The following TNIP3 variants were observed in gnomAD, a reference collection of about 807,000 sequenced individuals.
The protein encoded by TNIP3 is TNFAIP3-interacting protein 3.
Under a neutral mutation model 54.1 loss-of-function variants are expected in TNIP3, and 34 were observed. The observed-to-expected ratio is 0.63, with a 90% CI of 0.48 to 0.84. The LOEUF is 0.84. TNIP3 is among the 40% of genes least tolerant of loss of function. The pLI is 0.00. For missense variants in TNIP3, 366 were observed against 387.6 expected (o/e 0.94, Z 0.47); for synonymous variants, 134 against 136.8 (o/e 0.98, Z 0.14).
At position 121,138,606 on chromosome 4, in the gene TNIP3, A is replaced by G. The variant is rs1579366765; in HGVS notation, c.946+18T>C. The G allele has an allele frequency of 6.2e-6, 10 of 1,611,392 alleles. No individual in the cohort carries two copies. In the East Asian group the frequency reaches 2.2e-4, roughly 36 times the overall value. ...AGATGTAAACATGAAAGAATGCTCA[A>G]TACAGCTGTGGTCTCACCATTTGCC... On this transcript the variant is annotated intron_variant, in intron 10 of 10. Transcript: ENST00000057513.
intron 2 of TNIP3, among the ~76,000 whole-genome samples, chr4:121,204,347 C>G (rs944696315): frequency 2.0e-5 from 3 of 152,148 alleles, no homozygotes; most frequent in Non-Finnish European, 4.4e-5. Flanking sequence ...TACCTATGGT[C>G]TGGAAGCTCC....
At chr4:121,155,709 G>A (rs1244002979) in intron 4 of TNIP3, among the ~76,000 whole-genome samples, 1 of 152,098 alleles carries the variant, frequency 6.6e-6, no homozygotes, top group African/African-American at 2.4e-5. Flanking sequence ...AAGTAAATTG[G>A]ATTCTTAATG....
At chr4:121,172,186 G>A (rs1044549052) in intron 3 of TNIP3, among the ~76,000 whole-genome samples, 4 of 152,194 alleles carry the variant, frequency 2.6e-5, no homozygotes, top group African/African-American at 9.7e-5. Context: ...CATGGTACAC[G>A]GCTGTGACAT....
At chr4:121,199,535 T>C (rs1725771221) in intron 2 of TNIP3, among the ~76,000 whole-genome samples, 1 of 152,174 alleles carries the variant, frequency 6.6e-6, no homozygotes, top group African/African-American at 2.4e-5. Context: ...CTGGGAACCA[T>C]TGATTAAAGA....
At chr4:121,224,377 A>C (rs1260905521) in intron 1 of TNIP3, among the ~76,000 whole-genome samples, 1 of 151,992 alleles carries the variant, frequency 6.6e-6, no homozygotes, top group Non-Finnish European at 1.5e-5. Context: ...AATAAAAAGA[A>C]AAAAGAAAAA....
intron 2 of TNIP3, among the ~76,000 whole-genome samples, chr4:121,159,132 A>T (rs982675095): frequency 6.6e-6 from 1 of 152,188 alleles, no homozygotes; most frequent in Non-Finnish European, 1.5e-5. Flanking sequence ...AGTCCCAGCT[A>T]CTGGGGAGGC....
At chr4:121,199,588 C>G (rs1725773243) in intron 2 of TNIP3, among the ~76,000 whole-genome samples, 1 of 152,148 alleles carries the variant, frequency 6.6e-6, no homozygotes, top group Admixed American at 6.5e-5. Flanking sequence ...TTAAGCTTAT[C>G]ACTGAATTGA....
intron 3 of TNIP3, among the ~76,000 whole-genome samples, chr4:121,176,321 G>A (rs1286445584): frequency 2.6e-5 from 4 of 152,072 alleles, no homozygotes; most frequent in Admixed American, 2.6e-4. Flanking sequence ...GGTGTCCAAA[G>A]GTTTCCCAGT....
intron 2 of TNIP3, among the ~76,000 whole-genome samples, chr4:121,210,703 G>T (rs1014364084): frequency 2.0e-5 from 3 of 152,136 alleles, no homozygotes; most frequent in Non-Finnish European, 4.4e-5. Context: ...TTGTGCATGT[G>T]TGGAGAGAGA....
chr4:121,189,811 T>A (rs1382270824), intron 2 of TNIP3, among the ~76,000 whole-genome samples: 1 of 152,220 alleles, frequency 6.6e-6, no homozygotes, highest in Non-Finnish European at 1.5e-5. Flanking sequence ...GGAATGTTTC[T>A]TATAAACCTG....
intron 4 of TNIP3, among the ~76,000 whole-genome samples, chr4:121,155,153 T>G (rs1430195760): frequency 6.6e-6 from 1 of 151,912 alleles, no homozygotes; most frequent in East Asian, 1.9e-4. Flanking sequence ...TTAGTAGAGA[T>G]GGGGTTTCAC....
intron 2 of TNIP3, among the ~76,000 whole-genome samples, chr4:121,184,447 C>T (rs1724895282): frequency 6.6e-6 from 1 of 152,142 alleles, no homozygotes; most frequent in Admixed American, 6.5e-5. Context: ...AACAATTGAT[C>T]CCAGTTTGGC....
Position 121,150,093 on chromosome 4 carries a change from A to C in TNIP3, c.609+10T>G. On this transcript the variant is annotated intron_variant, in intron 6 of 10. Transcript: ENST00000057513. Reference sequence around the variant, plus strand: ...TTCTCCACAGGATCATGCCACTTCCAGCTTCTCACCTGCTGCTTCAGAACT... The same window carrying C: ...TTCTCCACAGGATCATGCCACTTCCCGCTTCTCACCTGCTGCTTCAGAACT... The C allele has an allele frequency of 6.3e-7, 1 of 1,590,142 alleles. No homozygotes were observed. The highest frequency in any genetic ancestry group is 8.6e-7 in the Non-Finnish European group (1 of 1,159,144).
intron 3 of TNIP3, among the ~76,000 whole-genome samples, chr4:121,171,475 T>G (rs1351932818): frequency 6.6e-6 from 1 of 152,166 alleles, no homozygotes; most frequent in Non-Finnish European, 1.5e-5. Context: ...CTTTCCTACA[T>G]GTTTGAAATG....
chr4:121,227,404 C>G, exon 1 of TNIP3: 1 of 1,535,128 alleles, frequency 6.5e-7, no homozygotes, highest in South Asian at 1.2e-5. Flanking sequence ...TCCTGAAAGT[C>G]CTTCTCAGAT....
At chr4:121,194,861 T>TAC (rs767171822) in intron 2 of TNIP3, among the ~76,000 whole-genome samples, 6 of 148,510 alleles carry the variant, frequency 4.0e-5, no homozygotes, top group Non-Finnish European at 5.9e-5. Context: ...AAAAAAAAAG[T>TAC]ACACACACAC....
chr4:121,189,953 G>A (rs956663365), intron 2 of TNIP3, among the ~76,000 whole-genome samples: 6 of 152,126 alleles, frequency 3.9e-5, no homozygotes, highest in Middle Eastern at 3.2e-3. Flanking sequence ...GTGCCCAGGA[G>A]GACCGTGCAG....
intron 10 of TNIP3, among the ~76,000 whole-genome samples, chr4:121,136,857 GAAAAA>G (rs11338982): frequency 1.7e-5 from 1 of 58,930 alleles, no homozygotes; most frequent in Non-Finnish European, 3.2e-5. Context: ...GACTGTCTCC[GAAAAA>G]AAAAAAAAAA....
At position 121,157,214 on chromosome 4, in the gene TNIP3, G is replaced by C; in HGVS notation, c.243C>G (p.Ala81=). The stretch of plus-strand genomic sequence containing the variant: ...CCCGCGTGCTGAGGAATCTTTCCGC[G>C]GCGTCCAGTTTCGTCTTCAGCTCTG... ...KVAELKTKLD[A]AERFLSTREK... Residue 81 remains alanine (A), a synonymous_variant, in exon 4 of 11, where the codon GCC becomes GCG. Transcript: ENST00000057513. 1 of 1,614,044 alleles carries C rather than the reference G, an allele frequency of 6.2e-7. No homozygotes were observed. Among genetic ancestry groups the C allele is most frequent in the Non-Finnish European group, 8.5e-7 (1 of 1,180,022 alleles).
Sources: gnomAD v4.1 joint callset for allele counts (sites outside exome capture counted in the v4.1 genomes callset) on GRCh38, gnomAD v4.1.1 for gene constraint, MANE v1.5 for transcripts, NCBI Gene and HGNC (gene_info 2026-07-23, HGNC 2026-07-21) for gene names.